The following CUL1 variants were observed in gnomAD, a reference collection of about 807,000 sequenced individuals.
CUL1 encodes cullin 1, also known as cullin-1.
Under a neutral mutation model 118.0 loss-of-function variants are expected in CUL1, and 24 were observed. The ratio of observed to expected loss-of-function variants is 0.20; its 90% confidence interval spans 0.15 to 0.29. The LOEUF is 0.29. CUL1 is among the 10% of genes least tolerant of loss of function. The pLI, the probability that CUL1 is intolerant of heterozygous loss-of-function variation, is 1.00. For synonymous variants in CUL1, 332 were observed against 340.4 expected (o/e 0.98, Z 0.27); for missense variants, 361 against 933.8 (o/e 0.39, Z 7.99).
chr7:148,722,745 G>A (rs1798435867), intron 1 of CUL1, among the ~76,000 whole-genome samples: 1 of 152,244 alleles, frequency 6.6e-6, no homozygotes, highest in Non-Finnish European at 1.5e-5. Flanking sequence ...CCAGGCTTCA[G>A]CCTTGTTTCC....
At chr7:148,709,736 G>C (rs935853566) in intron 1 of CUL1, among the ~76,000 whole-genome samples, 1 of 152,206 alleles carries the variant, frequency 6.6e-6, no homozygotes, top group Non-Finnish European at 1.5e-5. Context: ...AGCTAGGGTG[G>C]TGACAGAAAT....
rs1801062013 is a variant in CUL1 at position 148,792,792 on chromosome 7, C to T, written c.1873C>T (p.Leu625=). 1 of 1,612,786 alleles carries T rather than the reference C, an allele frequency of 6.2e-7. No homozygotes were observed. Among genetic ancestry groups the T allele is most frequent in the South Asian group, 1.1e-5 (1 of 90,642 alleles). ...GGAAGATGCCTACACTGTGCAGCAGCTGACCGACAGCACTCAAATTAAAAT... is the reference window on the plus strand; with the variant it reads ...GGAAGATGCCTACACTGTGCAGCAGTTGACCGACAGCACTCAAATTAAAAT... ...NTEDAYTVQQ[L]TDSTQIKMDI... is the part of the protein sequence containing the mutation. Residue 625 remains leucine, a synonymous_variant, in exon 17 of 22, where the codon CTG becomes TTG. Coordinates refer to ENST00000325222, the MANE Select transcript of CUL1 (RefSeq NM_003592.3).
rs1360165779 is a variant in CUL1, at chr7:148,795,901, A to T, written c.1900-1911A>T. 2.0e-5 allele frequency among the ~76,000 whole-genome samples: 3 copies of T among 151,808 alleles called. No homozygotes were observed. In the East Asian group the frequency reaches 5.8e-4, roughly 29 times the overall value. ...TGGGGGGATTCCTTAGAGTTTTTTGATATACTGTCATATCATCTATAAATA... is the reference window on the plus strand; with the variant it reads ...TGGGGGGATTCCTTAGAGTTTTTTGTTATACTGTCATATCATCTATAAATA... On this transcript the variant is annotated intron_variant, in intron 17 of 21. Coordinates refer to ENST00000325222, the MANE Select transcript of CUL1 (RefSeq NM_003592.3).
At chr7:148,740,542 A>C (rs1002523196) in intron 2 of CUL1, among the ~76,000 whole-genome samples, 1 of 152,124 alleles carries the variant, frequency 6.6e-6, no homozygotes, top group East Asian at 1.9e-4. Context: ...ACCTTCTACT[A>C]ATGTACTTTG....
At chr7:148,705,565 A>C (rs1797853756) in intron 1 of CUL1, among the ~76,000 whole-genome samples, 1 of 152,188 alleles carries the variant, frequency 6.6e-6, no homozygotes, top group African/African-American at 2.4e-5. Context: ...TGCTAACTAA[A>C]ATAGTTACGT....
chr7:148,716,694 T>G (rs1424983032), intron 1 of CUL1, among the ~76,000 whole-genome samples: 1 of 152,242 alleles, frequency 6.6e-6, no homozygotes, highest in Non-Finnish European at 1.5e-5. Flanking sequence ...AAAAGGTGCC[T>G]GTTTTCAGTT....
chr7:148,725,663 A>G (rs1270169704), intron 1 of CUL1, among the ~76,000 whole-genome samples: 1 of 152,098 alleles, frequency 6.6e-6, no homozygotes, highest in Non-Finnish European at 1.5e-5. Flanking sequence ...ACCTCCTCAC[A>G]GGTCTCTGTT....
chr7:148,734,274 T>C (rs1284832920), intron 2 of CUL1, among the ~76,000 whole-genome samples: 1 of 152,158 alleles, frequency 6.6e-6, no homozygotes, highest in African/African-American at 2.4e-5. Context: ...TAAGACAGAG[T>C]CTCACTCTGT....
chr7:148,786,880 A>G, intron 12 of CUL1, 109 bp from the exon 13 acceptor site: 1 of 1,458,602 alleles, frequency 6.9e-7, no homozygotes, highest in Non-Finnish European at 9.2e-7. Flanking sequence ...AGACCTGCCC[A>G]AAGCCAAAGG....
intron 2 of CUL1, among the ~76,000 whole-genome samples, chr7:148,742,665 G>A (rs1167695648): frequency 1.4e-5 from 2 of 141,512 alleles, no homozygotes; most frequent in Non-Finnish European, 3.0e-5. Context: ...TGCAGTGCAT[G>A]TTCTTGGCTC....
Position 148,800,815 on chromosome 7 carries a change from C to T in CUL1, c.*233C>T, listed in dbSNP as rs986988200. On this transcript the variant is annotated 3_prime_UTR_variant, in exon 22 of 22. Transcript: ENST00000325222. The surrounding 1 kb of genome is among the most constrained non-coding windows in gnomAD (Gnocchi z 4.6). ...GCCATTTACCCTAATTTAAGAACAG[C>T]GGGGACTGACCCTCCGTGCCGAGGG... 8 of 441,096 alleles carry T rather than the reference C, an allele frequency of 1.8e-5. No homozygotes were observed. Among genetic ancestry groups the T allele is most frequent in the Non-Finnish European group, 3.3e-5 (8 of 244,658 alleles). The allele number at this position is 441,096 out of a possible 1,614,324, so 27.3% of individuals were successfully genotyped here. A position where few individuals can be genotyped will look rare whatever the true frequency, so the allele number is the denominator to read the frequency against.
chr7:148,784,925 A>C (rs1463437052), intron 11 of CUL1, among the ~76,000 whole-genome samples: 1 of 152,230 alleles, frequency 6.6e-6, no homozygotes, highest in Non-Finnish European at 1.5e-5. Flanking sequence ...AACAAGCCAG[A>C]TTTCCCAGTG....
chr7:148,738,657 C>A (rs1266604441), intron 2 of CUL1, among the ~76,000 whole-genome samples: 1 of 152,198 alleles, frequency 6.6e-6, no homozygotes, highest in Admixed American at 6.5e-5. Flanking sequence ...GAGTCTATGG[C>A]TGCCTTAGTA....
chr7:148,783,401 G>A (rs1800712535), intron 9 of CUL1: 1 of 985,340 alleles, frequency 1.0e-6, no homozygotes. Flanking sequence ...GACCGACCTC[G>A]GCGGCTAAAC....
intron 16 of CUL1, among the ~76,000 whole-genome samples, chr7:148,791,349 G>A (rs897785871): frequency 6.6e-6 from 1 of 152,178 alleles, no homozygotes; most frequent in East Asian, 1.9e-4. Context: ...GACTCAAGCT[G>A]CTCATTAATT....
At chr7:148,700,612 A>G (rs1797692189) in intron 1 of CUL1, among the ~76,000 whole-genome samples, 1 of 152,236 alleles carries the variant, frequency 6.6e-6, no homozygotes, top group Non-Finnish European at 1.5e-5. Context: ...TAGTTGCGTT[A>G]CATTTCAAAT....
At chr7:148,699,866 CG>C (rs1463667831) in intron 1 of CUL1, among the ~76,000 whole-genome samples, 2 of 152,050 alleles carry the variant, frequency 1.3e-5, no homozygotes, top group African/African-American at 4.8e-5. Context: ...GCCGTGCGCC[CG>C]CCAGGCCGCT....
chr7:148,730,018 C>A lies in CUL1; in HGVS notation c.-105C>A. The A allele has an allele frequency of 8.0e-7, 1 of 1,254,860 alleles. No individual in the cohort carries two copies. The highest frequency in any genetic ancestry group is 1.1e-6 in the Non-Finnish European group (1 of 913,630). 77.7% of individuals were successfully genotyped at this position (1,254,860 alleles called of 1,614,324 possible). ...TTTAAAGGACATCCTTTCTGAGCTGCTGTGAATAAATTTGGAATGGTACTG... is the reference window on the plus strand; with the variant it reads ...TTTAAAGGACATCCTTTCTGAGCTGATGTGAATAAATTTGGAATGGTACTG... On this transcript the variant is annotated 5_prime_UTR_variant, in exon 2 of 22. In the 5' UTR this introduces an upstream ATG that the reference lacks. Coordinates refer to ENST00000325222, the MANE Select transcript of CUL1 (RefSeq NM_003592.3).
chr7:148,737,025 T>C (rs571685300), intron 2 of CUL1, among the ~76,000 whole-genome samples: 1 of 152,370 alleles, frequency 6.6e-6, no homozygotes, highest in Middle Eastern at 3.4e-3. Flanking sequence ...AAGTGCAGTT[T>C]ATTAGTTTGC....
Sources: gnomAD v4.1 joint callset for allele counts (sites outside exome capture counted in the v4.1 genomes callset) on GRCh38, gnomAD v4.1.1 for gene constraint, Gnocchi (gnomAD v3.1) non-coding constraint, MANE v1.5 for transcripts, NCBI Gene and HGNC (gene_info 2026-07-23, HGNC 2026-07-21) for gene names.